The following CHD1L variants were observed in gnomAD, a reference collection of about 807,000 sequenced individuals.
The protein encoded by CHD1L is ATP-dependent chromatin remodeler CHD1L.
In CHD1L, 118 loss-of-function variants were observed where a neutral mutation model predicts 115.9. The ratio of observed to expected loss-of-function variants is 1.02; its 90% CI spans 0.88 to 1.19. The LOEUF (loss-of-function observed/expected upper bound fraction) is 1.19. Ranked by LOEUF, CHD1L falls within the 50% of genes most tolerant of loss-of-function variation. The probability of loss-of-function intolerance (pLI) is 0.00; values close to 1 mark genes in which losing one functional copy is unlikely to be tolerated. For missense variants in CHD1L, 1,179 were observed against 1,065.3 expected (o/e 1.11, Z -1.49); for synonymous variants, 411 against 387.1 (o/e 1.06, Z -0.72).
In CHD1L at chr1:147,286,321, A is replaced by G. The variant is rs1553965637; in HGVS notation, c.2042A>G (p.Asn681Ser). The G allele has an allele frequency of 3.1e-6, 5 of 1,612,462 alleles. 1 individual carries two copies. The South Asian group carries it at 3.3e-5, about 11-fold the overall frequency. Residue 681 changes from asparagine (N) to serine (S), a missense_variant, in exon 18 of 23, where the codon AAT becomes AGT. By Grantham distance (46) the Asn-to-Ser change is conservative. Transcript: ENST00000369258. ...AGGATGGCCTGGTGGGAATCCAACA[A>G]TTACCAGTCCTTCTGCCTGCCCTCT... is the stretch of plus-strand genomic sequence containing the variant. ...KKKMAWWESN[N>S]YQSFCLPSEE...
At chr1:147,227,424 T>C in the CHD1L span, among the ~76,000 whole-genome samples, 2 of 152,246 alleles carry the variant, frequency 1.3e-5, no homozygotes, top group African/African-American at 2.4e-5. Context: ...TAGTTAACAA[T>C]GTAATTTTAT....
chr1:147,273,703 G>GA (rs1461053194), intron 12 of CHD1L, among the ~76,000 whole-genome samples: 1 of 152,098 alleles, frequency 6.6e-6, no homozygotes, highest in Non-Finnish European at 1.5e-5. Flanking sequence ...CTAAAATTAG[G>GA]AAAAAAGAGA....
Position 147,287,438 on chromosome 1 carries a change from G to T in CHD1L, c.2222-197G>T, listed in dbSNP as rs116093052. Among the ~76,000 whole-genome samples the T allele has an allele frequency of 3.1e-3, 471 of 152,244 alleles. 3 individuals are homozygous for T. The highest frequency in any genetic ancestry group is 4.1e-3 in the Non-Finnish European group (281 of 68,002). Reference sequence around the variant, plus strand: ...TTTTGAGATGCTTTCCTGTTATCATGGCCCCAGCTATATCTTCCAGAAAAC... The same window carrying T: ...TTTTGAGATGCTTTCCTGTTATCATTGCCCCAGCTATATCTTCCAGAAAAC... On this transcript the variant is annotated intron_variant, in intron 18 of 22. Coordinates refer to ENST00000369258, the MANE Select transcript of CHD1L (RefSeq NM_004284.6).
At chr1:147,255,019 TAAGA>T in intron 3 of CHD1L, 43 bp downstream of exon 3, 2 of 1,407,156 alleles carry the variant, frequency 1.4e-6, no homozygotes, top group Non-Finnish European at 1.9e-6. Context: ...TTATCTTGAT[TAAGA>T]TTTTTTTTCT....
At chr1:147,249,319 T>G (rs587627757) in intron 1 of CHD1L, among the ~76,000 whole-genome samples, 1 of 152,134 alleles carries the variant, frequency 6.6e-6, no homozygotes, top group East Asian at 1.9e-4. Context: ...AAGTAAGGTG[T>G]TGTTTGTTTT....
intron 10 of CHD1L, 70 bp downstream of exon 10, chr1:147,268,948 T>A: frequency 8.0e-7 from 1 of 1,251,848 alleles, no homozygotes. Context: ...AGGAACTCAC[T>A]GAGTTGTTCA....
chr1:147,272,295 G>A lies in CHD1L; in HGVS notation c.1270+14G>A, dbSNP rs781833725. The A allele has an allele frequency of 5.1e-6, 8 of 1,555,580 alleles. No individual in the cohort carries two copies. The highest frequency in any genetic ancestry group is 7.1e-6 in the Non-Finnish European group (8 of 1,126,698). ...GTACTAGGGCAGGTAGGCTGCAAAG[G>A]CATTGATGGAAACAGACAAATGAGG... is the stretch of plus-strand genomic sequence containing the variant. On this transcript the variant is annotated intron_variant, in intron 12 of 22. Transcript: ENST00000369258.
chr1:147,223,847 G>T, the CHD1L span: 1 of 302,602 alleles, frequency 3.3e-6, no homozygotes, highest in Non-Finnish European at 6.3e-6. Context: ...GCTTACGCGG[G>T]CCCACAAGCA....
intron 15 of CHD1L, among the ~76,000 whole-genome samples, chr1:147,281,878 G>A (rs932078363): frequency 2.6e-5 from 4 of 152,052 alleles, no homozygotes; most frequent in African/African-American, 9.7e-5. Context: ...TGAAGCACAT[G>A]TACATTGTGG....
the CHD1L span, chr1:147,204,623 C>T: frequency 1.8e-5 from 29 of 1,591,780 alleles, no homozygotes; most frequent in South Asian, 3.2e-4. Context: ...AATACCAGAA[C>T]AATGTTTGTG....
intron 1 of CHD1L, among the ~76,000 whole-genome samples, chr1:147,247,319 G>C (rs55918563): frequency 0.092 from 14,000 of 152,166 alleles, 722 homozygotes; most frequent in East Asian, 0.16. Flanking sequence ...CTAATGAAAG[G>C]TGTTTAGGTC....
the CHD1L span, chr1:147,203,895 A>C: frequency 3.2e-6 from 5 of 1,576,390 alleles, no homozygotes; most frequent in Non-Finnish European, 3.5e-6. Flanking sequence ...ACACTGTCTC[A>C]GTGTCCCATT....
At chr1:147,276,385 C>T in intron 14 of CHD1L, 128 bp downstream of exon 14, 4 of 894,510 alleles carry the variant, frequency 4.5e-6, no homozygotes, top group Non-Finnish European at 6.8e-6. Flanking sequence ...CTCCCTCACA[C>T]CTGCCACAGT....
upstream of CHD1L, among the ~76,000 whole-genome samples, chr1:147,237,959 T>C (rs1230964647): frequency 6.6e-6 from 1 of 152,184 alleles, no homozygotes; most frequent in Non-Finnish European, 1.5e-5. Context: ...CAACCTTACC[T>C]TTGATAGTAA....
the CHD1L span, among the ~76,000 whole-genome samples, chr1:147,211,955 C>A: frequency 6.6e-6 from 1 of 152,162 alleles, no homozygotes; most frequent in Non-Finnish European, 1.5e-5. Context: ...AAGCACCATC[C>A]TATGAGTGAA....
At chr1:147,267,580 C>A in intron 9 of CHD1L, 62 bp downstream of exon 9, 1 of 1,307,938 alleles carries the variant, frequency 7.6e-7, no homozygotes, top group South Asian at 1.3e-5. Flanking sequence ...CCAAATCATA[C>A]CAAAATTCTT....
the CHD1L span, among the ~76,000 whole-genome samples, chr1:147,220,198 A>G: frequency 6.6e-6 from 1 of 152,316 alleles, no homozygotes; most frequent in African/African-American, 2.4e-5. Flanking sequence ...AACTCCATCT[A>G]TAGTAATACC....
chr1:147,176,499 C>T, the CHD1L span: 2 of 152,292 alleles, frequency 1.3e-5, no homozygotes, highest in South Asian at 2.1e-4. Context: ...TTTATTTCAA[C>T]AAACCTTGAT....
At chr1:147,190,108 G>C in the CHD1L span, 4 of 1,077,028 alleles carry the variant, frequency 3.7e-6, no homozygotes, top group South Asian at 1.4e-5. Flanking sequence ...GTTAAATACA[G>C]TACAATATTT....
Sources: gnomAD v4.1 joint callset for allele counts (sites outside exome capture counted in the v4.1 genomes callset) on GRCh38, gnomAD v4.1.1 for gene constraint, MANE v1.5 for transcripts, NCBI Gene and HGNC (gene_info 2026-07-23, HGNC 2026-07-21) for gene names.